The following FBLN7 variants were observed in gnomAD, a reference collection of about 807,000 sequenced individuals.
The protein encoded by FBLN7 is fibulin 7.
In FBLN7, 31 loss-of-function variants were observed where a neutral mutation model predicts 44.0. The ratio of observed to expected loss-of-function variants is 0.70; its 90% CI spans 0.53 to 0.95. FBLN7 has a LOEUF of 0.95. Ranked by LOEUF, FBLN7 falls within the 40% of genes least tolerant of loss-of-function variation. The probability of loss-of-function intolerance (pLI) is 0.00; values close to 1 mark genes in which losing one functional copy is unlikely to be tolerated. For missense variants in FBLN7, 573 were observed against 618.5 expected (o/e 0.93, Z 0.78); for synonymous variants, 262 against 253.4 (o/e 1.03, Z -0.32).
chr2:112,181,801 G>A lies in FBLN7; in HGVS notation c.595G>A (p.Val199Met). Residue 199 changes from valine (V) to methionine (M), a missense_variant, in exon 5 of 8, where the codon GTG (valine) becomes ATG (methionine). Transcript: ENST00000331203. ...AFSRAPRCAQ[V>M]ERAQHCSCEA... ...CAGCCGCGCGCCGCGCTGTGCGCAG[G>A]TGGAGCGGGCTCAGCACTGCAGCTG... 1 of 1,491,824 alleles carries A rather than the reference G, an allele frequency of 6.7e-7. No individual in the cohort carries two copies. The highest frequency in any genetic ancestry group is 2.8e-5 in the East Asian group (1 of 35,530). The allele number at this position is 1,491,824 out of a possible 1,614,324, so 92.4% of individuals were successfully genotyped here.
the FBLN7 span, chr2:112,213,196 C>G: frequency 6.6e-6 from 1 of 152,064 alleles, no homozygotes; most frequent in African/African-American, 2.4e-5. Context: ...TCTCAAACTC[C>G]TGAACTCAAG....
intron 3 of FBLN7, among the ~76,000 whole-genome samples, chr2:112,172,858 T>C (rs965357330): frequency 2.0e-5 from 3 of 152,140 alleles, no homozygotes; most frequent in African/African-American, 4.8e-5. Flanking sequence ...GGTCTTGAAC[T>C]CCTGGCCTCA....
At chr2:112,206,533 T>C in the FBLN7 span, among the ~76,000 whole-genome samples, 4 of 152,184 alleles carry the variant, frequency 2.6e-5, no homozygotes, top group Non-Finnish European at 5.9e-5. Flanking sequence ...GCAATTCTTG[T>C]GCCTCAGCCT....
chr2:112,181,897 G>A lies in FBLN7; in HGVS notation c.670+21G>A, dbSNP rs1305404168. ...CCAGGGTAGGCGCGGGCTCCGCCAG[G>A]ACACTGGGGACAGCACGGGGAGGAC... is the stretch of plus-strand genomic sequence containing the variant. On this transcript the variant is annotated intron_variant, in intron 5 of 7. Transcript: ENST00000331203. The A allele has an allele frequency of 4.6e-6, 7 of 1,533,132 alleles. No individual in the cohort carries two copies. The African/African-American group carries it at 8.3e-5, about 18-fold the overall frequency. The allele number at this position is 1,533,132 out of a possible 1,614,324, so 95.0% of individuals were successfully genotyped here. A position where few individuals can be genotyped will look rare whatever the true frequency, so the allele number is the denominator to read the frequency against.
chr2:112,159,899 C>T (rs1474404996), intron 2 of FBLN7, 64 bp downstream of exon 2: 1 of 1,361,976 alleles, frequency 7.3e-7, no homozygotes, highest in Non-Finnish European at 9.5e-7. Context: ...CCCCGAGACG[C>T]TCCCAGCTGG....
chr2:112,154,779 G>T (rs1365812422), intron 1 of FBLN7, among the ~76,000 whole-genome samples: 1 of 152,198 alleles, frequency 6.6e-6, no homozygotes, highest in Non-Finnish European at 1.5e-5. Flanking sequence ...AGGGTGGTGG[G>T]TTTGGGAGGG....
chr2:112,170,911 T>A (rs182234810), intron 3 of FBLN7, among the ~76,000 whole-genome samples: 18 of 152,262 alleles, frequency 1.2e-4, no homozygotes, highest in African/African-American at 4.1e-4. Context: ...CTGATGGAAT[T>A]TGCTGCCATC....
chr2:112,207,569 A>G, the FBLN7 span, among the ~76,000 whole-genome samples: 2 of 152,060 alleles, frequency 1.3e-5, no homozygotes, highest in Non-Finnish European at 2.9e-5. Context: ...GTTCTTCTAT[A>G]TATTTGTTCC....
chr2:112,143,355 G>C (rs1680745228), intron 1 of FBLN7, among the ~76,000 whole-genome samples: 1 of 152,136 alleles, frequency 6.6e-6, no homozygotes, highest in Non-Finnish European at 1.5e-5. Flanking sequence ...GGGGATGCGG[G>C]CTCCCGGCCA....
At chr2:112,226,605 A>AAAAAAAAAAC in the FBLN7 span, among the ~76,000 whole-genome samples, 1 of 150,026 alleles carries the variant, frequency 6.7e-6, no homozygotes, top group Non-Finnish European at 1.5e-5. Context: ...AAAAAAAAAA[A>AAAAAAAAAAC]GCTCAGGCCC....
the FBLN7 span, chr2:112,216,157 T>G: frequency 3.3e-5 from 5 of 152,212 alleles, no homozygotes; most frequent in African/African-American, 1.2e-4. Flanking sequence ...TGCTTCCGAT[T>G]TTATTAAGGA....
At chr2:112,203,954 T>C in the FBLN7 span, among the ~76,000 whole-genome samples, 1 of 152,090 alleles carries the variant, frequency 6.6e-6, no homozygotes, top group East Asian at 1.9e-4. Context: ...GTGGGAATTG[T>C]GGGAGTACAA....
chr2:112,216,671 T>C, the FBLN7 span, among the ~76,000 whole-genome samples: 1 of 137,896 alleles, frequency 7.3e-6, no homozygotes, highest in Non-Finnish European at 1.6e-5. Context: ...AAAACTAAGA[T>C]TAGAACTGAA....
intron 1 of FBLN7, among the ~76,000 whole-genome samples, chr2:112,156,481 C>G (rs747358437): frequency 9.9e-5 from 15 of 152,194 alleles, no homozygotes; most frequent in Non-Finnish European, 1.6e-4. Context: ...TACACAAATG[C>G]AATTGACATA....
In FBLN7 at chr2:112,141,348, C is replaced by A. The variant is rs531453112; in HGVS notation, c.75+2618C>A. ...GTTGGGCTCCAAGATTTCTTCCTTG[C>A]CTGCAGACACTTGCCCATACTCCCT... On this transcript the variant is annotated intron_variant, in intron 1 of 7. Coordinates refer to ENST00000331203, the MANE Select transcript of FBLN7 (RefSeq NM_153214.3). Among the ~76,000 whole-genome samples, 19 of 152,340 alleles carry A rather than the reference C, an allele frequency of 1.2e-4. No homozygotes were observed. In the South Asian group the frequency reaches 3.9e-3, roughly 32 times the overall value.
intron 1 of FBLN7, among the ~76,000 whole-genome samples, chr2:112,148,534 G>A (rs1043990643): frequency 2.6e-5 from 4 of 152,232 alleles, no homozygotes; most frequent in African/African-American, 9.6e-5. Context: ...AGAAGCTCTG[G>A]ATCTGAAGTT....
At chr2:112,203,418 A>G in the FBLN7 span, among the ~76,000 whole-genome samples, 3 of 152,362 alleles carry the variant, frequency 2.0e-5, no homozygotes, top group Non-Finnish European at 4.4e-5. Flanking sequence ...ATAAAAAAAT[A>G]CAAACTTTAC....
intron 4 of FBLN7, among the ~76,000 whole-genome samples, chr2:112,181,438 T>C (rs1325740458): frequency 6.6e-6 from 1 of 152,106 alleles, no homozygotes; most frequent in Non-Finnish European, 1.5e-5. Flanking sequence ...GGTGTTCAAG[T>C]CTTTTTAAGT....
the FBLN7 span, among the ~76,000 whole-genome samples, chr2:112,243,096 T>C: frequency 2.6e-5 from 4 of 152,216 alleles, no homozygotes; most frequent in African/African-American, 4.8e-5. Context: ...TGGCTTTTAA[T>C]GAGTTCACAG....
Sources: allele counts gnomAD v4.1 joint callset (sites outside exome capture counted in the v4.1 genomes callset), GRCh38; gene constraint gnomAD v4.1.1; transcripts MANE v1.5; gene names NCBI Gene and HGNC (gene_info 2026-07-23, HGNC 2026-07-21).